STAU2: variants seen among roughly 807,000 people sequenced by gnomAD.
STAU2 encodes the protein double-stranded RNA-binding protein Staufen homolog 2.
Under a neutral mutation model 65.9 loss-of-function variants are expected in STAU2, and 20 were observed. That is an observed-to-expected ratio of 0.30 (90% CI 0.21 to 0.44). The LOEUF (loss-of-function observed/expected upper bound fraction) is 0.44, where lower values mean the gene tolerates loss of function less well. Ranked by LOEUF, STAU2 falls within the 20% of genes least tolerant of loss-of-function variation. The pLI, the probability that STAU2 is intolerant of heterozygous loss-of-function variation, is 1.00. For synonymous variants in STAU2, 232 were observed against 233.9 expected (o/e 0.99, Z 0.07); for missense variants, 558 against 683.9 (o/e 0.82, Z 2.05).
chr8:73,423,214 C>T (rs888342965), intron 13 of STAU2, among the ~76,000 whole-genome samples: 3 of 152,104 alleles, frequency 2.0e-5, no homozygotes, highest in African/African-American at 7.2e-5. Context: ...AAGATGGGAT[C>T]CTGAGAGGAT....
At chr8:73,506,368 G>T (rs2128922250) in intron 13 of STAU2, among the ~76,000 whole-genome samples, 1 of 152,202 alleles carries the variant, frequency 6.6e-6, no homozygotes, top group East Asian at 1.9e-4. Flanking sequence ...TTACAGGTGA[G>T]GTTCCAGACC....
At chr8:73,658,934 C>CAAA (rs72251012) in intron 6 of STAU2, among the ~76,000 whole-genome samples, 64 of 96,776 alleles carry the variant, frequency 6.6e-4, no homozygotes, top group South Asian at 9.1e-4. Flanking sequence ...ACAACAACAA[C>CAAA]AAAAACAACA....
chr8:73,596,699 AT>A (rs1243390371), intron 10 of STAU2, among the ~76,000 whole-genome samples: 1 of 152,076 alleles, frequency 6.6e-6, no homozygotes, highest in African/African-American at 2.4e-5. Context: ...AAAAATTTTA[AT>A]TAGCTAGGCA....
At chr8:73,640,584 A>G (rs1563475715) in intron 6 of STAU2, among the ~76,000 whole-genome samples, 1 of 152,172 alleles carries the variant, frequency 6.6e-6, no homozygotes, top group Non-Finnish European at 1.5e-5. Flanking sequence ...TGGTGCTCCA[A>G]TAAAATTTTG....
chr8:73,564,883 G>A (rs1281498491), intron 12 of STAU2, among the ~76,000 whole-genome samples: 1 of 152,102 alleles, frequency 6.6e-6, no homozygotes, highest in Non-Finnish European at 1.5e-5. Flanking sequence ...TTCACTGGCA[G>A]GTCTAAGTTG....
rs184125241 is a variant in STAU2, at chr8:73,671,422, T to C, written c.410+1685A>G. 3.6e-3 allele frequency among the ~76,000 whole-genome samples: 554 copies of C among 151,998 alleles called. 2 individuals are homozygous for C. Among genetic ancestry groups the C allele is most frequent in the Non-Finnish European group, 5.9e-3 (402 of 67,928 alleles). Reference sequence around the variant, plus strand: ...CAAAAAAAAACAAAAAAAACACTACTTTTTAACTACCAAAGAAGACAAAAA... The same window carrying C: ...CAAAAAAAAACAAAAAAAACACTACCTTTTAACTACCAAAGAAGACAAAAA... On this transcript the variant is annotated intron_variant, in intron 6 of 14. Transcript: ENST00000524300.
intron 12 of STAU2, among the ~76,000 whole-genome samples, chr8:73,575,556 A>C (rs1176361601): frequency 6.6e-6 from 1 of 152,166 alleles, no homozygotes; most frequent in Non-Finnish European, 1.5e-5. Context: ...ATGGCAGATA[A>C]TAGGAAAATA....
chr8:73,461,653 G>C (rs1419322649), intron 13 of STAU2, among the ~76,000 whole-genome samples: 2 of 152,158 alleles, frequency 1.3e-5, no homozygotes, highest in East Asian at 3.9e-4. Flanking sequence ...GAGAGCACAA[G>C]CACAAGCACG....
In STAU2 at chr8:73,604,884, C is replaced by T. The variant is rs148963770; in HGVS notation, c.892-1021G>A. Reference sequence around the variant, plus strand: ...TCTAGTAAAGCCTGAGATGGTACATCCTACCCCAATTAGCCTATTCCTAGG... The same window carrying T: ...TCTAGTAAAGCCTGAGATGGTACATTCTACCCCAATTAGCCTATTCCTAGG... On this transcript the variant is annotated intron_variant, in intron 9 of 14. Transcript: ENST00000524300. Among the ~76,000 whole-genome samples the T allele has an allele frequency of 9.2e-3, 1,404 of 152,170 alleles. 19 individuals carry two copies. The highest frequency in any genetic ancestry group is 0.065 in the Middle Eastern group (19 of 292).
chr8:73,737,637 A>C (rs1452943057), intron 3 of STAU2, among the ~76,000 whole-genome samples: 1 of 150,810 alleles, frequency 6.6e-6, no homozygotes, highest in South Asian at 2.1e-4. Context: ...TCCTGGGCTC[A>C]AGAGATCCTC....
intron 13 of STAU2, among the ~76,000 whole-genome samples, chr8:73,529,696 T>C (rs1805682680): frequency 1.3e-5 from 2 of 152,236 alleles, no homozygotes; most frequent in Non-Finnish European, 2.9e-5. Flanking sequence ...CAAGTACTAA[T>C]AAAACATTGT....
At chr8:73,718,298 C>T (rs1455884457) in intron 3 of STAU2, among the ~76,000 whole-genome samples, 3 of 152,144 alleles carry the variant, frequency 2.0e-5, no homozygotes, top group Non-Finnish European at 4.4e-5. Flanking sequence ...ATATATTCTC[C>T]GTAAGGCATA....
upstream of STAU2, chr8:73,747,475 C>T: frequency 5.9e-6 from 9 of 1,533,836 alleles, 1 homozygote; most frequent in Middle Eastern, 3.3e-4. Flanking sequence ...GTGCAACGCA[C>T]GGTTTAGCGG....
intron 6 of STAU2, among the ~76,000 whole-genome samples, chr8:73,632,059 C>T (rs1454595105): frequency 6.6e-6 from 1 of 151,632 alleles, no homozygotes; most frequent in Non-Finnish European, 1.5e-5. Flanking sequence ...AGACAGCACA[C>T]GAACACGAGC....
chr8:73,693,671 C>A (rs1586288046), intron 4 of STAU2, among the ~76,000 whole-genome samples: 1 of 152,304 alleles, frequency 6.6e-6, no homozygotes, highest in South Asian at 2.1e-4. Flanking sequence ...TTTCTACAAT[C>A]TCTCTTAAGA....
At chr8:73,727,902 G>C (rs1446592109) in intron 3 of STAU2, 1 of 152,164 alleles carries the variant, frequency 6.6e-6, no homozygotes, top group East Asian at 1.9e-4. Context: ...TTTGATTCTG[G>C]CCATCCTAGT....
chr8:73,649,759 G>A (rs1815690544), intron 6 of STAU2, among the ~76,000 whole-genome samples: 2 of 150,730 alleles, frequency 1.3e-5, no homozygotes, highest in Admixed American at 6.6e-5. Flanking sequence ...CAAACACAAC[G>A]CTTTAGATGT....
intron 7 of STAU2, 68 bp from the exon 8 acceptor site, chr8:73,615,850 TCAAGATGGC>T: frequency 8.8e-7 from 1 of 1,135,018 alleles, no homozygotes; most frequent in Non-Finnish European, 1.3e-6. Context: ...TATTCTACAG[TCAAGATGGC>T]CTATTTAAAT....
At chr8:73,458,313 T>C (rs1403458276) in intron 13 of STAU2, among the ~76,000 whole-genome samples, 1 of 152,246 alleles carries the variant, frequency 6.6e-6, no homozygotes, top group East Asian at 1.9e-4. Context: ...CTTTGATCCC[T>C]GTTCAGTATT....
Sources: allele counts gnomAD v4.1 joint callset (sites outside exome capture counted in the v4.1 genomes callset), GRCh38; gene constraint gnomAD v4.1.1; transcripts MANE v1.5; gene names NCBI Gene and HGNC (gene_info 2026-07-23, HGNC 2026-07-21).